COL2A1: variants seen among roughly 807,000 people sequenced by gnomAD.
COL2A1 encodes collagen alpha-1(II) chain.
In COL2A1, 28 loss-of-function variants were observed where a neutral mutation model predicts 204.5. That is an observed-to-expected ratio of 0.14 (90% CI 0.10 to 0.19). The LOEUF (loss-of-function observed/expected upper bound fraction) is 0.19, where lower values mean the gene tolerates loss of function less well. COL2A1 is among the 10% of genes least tolerant of loss of function. The probability of loss-of-function intolerance (pLI) is 1.00; values close to 1 mark genes in which losing one functional copy is unlikely to be tolerated. For synonymous variants in COL2A1, 708 were observed against 718.7 expected, an observed-to-expected ratio of 0.99 and a Z score of 0.24; for missense variants, 1,388 against 2,027.5, an observed-to-expected ratio of 0.68 and a Z score of 6.06.
rs1592233699 is a variant in COL2A1 at position 47,996,402 on chromosome 12, T to C, written c.609+146A>G. 14 of 782,178 alleles carry C rather than the reference T, an allele frequency of 1.8e-5. No homozygotes were observed. In the East Asian group the frequency reaches 3.4e-4, roughly 19 times the overall value. 48.5% of individuals were successfully genotyped at this position (782,178 alleles called of 1,614,324 possible). On this transcript the variant is annotated intron_variant, in intron 8 of 53. Transcript: ENST00000380518. ...CATTGCCATTAAAAACCAAATGCTT[T>C]GGGCTAGCTGAATGGGAGGTTACAT...
intron 1 of COL2A1, chr12:48,003,050 T>C (rs540862320): frequency 6.6e-6 from 1 of 152,196 alleles, no homozygotes; most frequent in Admixed American, 6.5e-5. Flanking sequence ...ATCTGTAACA[T>C]ACAAAGACAG....
At chr12:47,983,499 A>G (rs945780237) in intron 30 of COL2A1, 61 bp from the exon 31 acceptor site, 1 of 1,556,300 alleles carries the variant, frequency 6.4e-7, no homozygotes, top group African/African-American at 1.4e-5. Context: ...GCCCCCAGGG[A>G]GGCACAGTAT....
chr12:47,980,710 T>C lies in COL2A1; in HGVS notation c.2518-49A>G. On this transcript the variant is annotated intron_variant, in intron 38 of 53. Coordinates refer to ENST00000380518, the MANE Select transcript of COL2A1 (RefSeq NM_001844.5). The surrounding 1 kb of genome is among the most constrained non-coding windows in gnomAD (Gnocchi z 4.5). ...GTGAATGAGGGGCAGGCTAAAACCC[T>C]GGAGCTCTTCCAGAAGAGCAGGAGA... is the stretch of plus-strand genomic sequence containing the variant. The C allele has an allele frequency of 6.4e-7, 1 of 1,557,596 alleles. No individual in the cohort carries two copies.
At chr12:47,998,781 G>A (rs1358413748) in intron 2 of COL2A1, 4 of 268,312 alleles carry the variant, frequency 1.5e-5, no homozygotes, top group African/African-American at 9.0e-5. Flanking sequence ...CCCCCCACAG[G>A]GTAGGGAGCC....
At chr12:47,999,886 T>C in intron 2 of COL2A1, 33 bp downstream of exon 2, 1 of 1,589,180 alleles carries the variant, frequency 6.3e-7, no homozygotes, top group Non-Finnish European at 8.6e-7. Context: ...AAGTAATTTA[T>C]TTATGTTGAA....
At chr12:47,986,765 C>T in intron 22 of COL2A1, 70 bp downstream of exon 22, 3 of 1,559,924 alleles carry the variant, frequency 1.9e-6, no homozygotes, top group Non-Finnish European at 2.7e-6. Flanking sequence ...GGTGGTGGGT[C>T]AGTGGGGCTG....
rs1386123249 is a variant in COL2A1 at position 47,980,873 on chromosome 12, G to T, written c.2517+42C>A. ...CCCGAGGGTGCTGGATGTGGAACTG[G>T]CCTGAGTGGAGGGACCCAGGAGGAT... On this transcript the variant is annotated intron_variant, in intron 38 of 53. Coordinates refer to ENST00000380518, the MANE Select transcript of COL2A1 (RefSeq NM_001844.5). The surrounding 1 kb of genome is among the most constrained non-coding windows in gnomAD (Gnocchi z 4.5). 6.5e-7 allele frequency: 1 copy of T among 1,547,546 alleles called. No homozygotes were observed. The highest frequency in any genetic ancestry group is 2.0e-5 in the Admixed American group (1 of 51,036).
intron 40 of COL2A1, 53 bp from the exon 41 acceptor site, chr12:47,979,617 G>T: frequency 1.5e-6 from 1 of 687,684 alleles, no homozygotes; most frequent in Middle Eastern, 3.4e-4. Context: ...GGAGGTTTGA[G>T]ATTAAAATGG....
chr12:47,976,664 C>G lies in COL2A1; in HGVS notation c.3436-97G>C, dbSNP rs1370777977. The G allele has an allele frequency of 2.8e-6, 4 of 1,412,394 alleles. No homozygotes were observed. 87.5% of individuals were successfully genotyped at this position (1,412,394 alleles called of 1,614,324 possible). A position where few individuals can be genotyped will look rare whatever the true frequency, so the allele number is the denominator to read the frequency against. ...AACAGCTTTATGTCCCAGCCCCATT[C>G]CCTTTCCACTTCCTCCTCCCTCCAG... On this transcript the variant is annotated intron_variant, in intron 48 of 53. Coordinates refer to ENST00000380518, the MANE Select transcript of COL2A1 (RefSeq NM_001844.5). This position sits in a 1 kb window ranked among gnomAD's most constrained non-coding sequence, Gnocchi z 4.3.
Position 47,974,090 on chromosome 12 carries a change from G to T in COL2A1, c.4316C>A (p.Thr1439Lys), listed in dbSNP as rs121912886. Residue 1439 changes from threonine to lysine, a missense_variant and splice_region_variant, in exon 53 of 54, where the codon ACG becomes AAG. This residue lies in a region of COL2A1 where 303 missense variants were observed against 369.2 expected (regional missense o/e 0.82). Transcript: ENST00000380518. ...FTYTALKDGC[T>K]KHTGKWGKTV... ...CTTCTCTCTGGCAGCCCCACTCACC[G>T]TGCAGCCATCCTTCAGGGCAGTGTA... The T allele has an allele frequency of 6.2e-7, 1 of 1,614,176 alleles. No individual in the cohort carries two copies. Among genetic ancestry groups the T allele is most frequent in the Non-Finnish European group, 8.5e-7 (1 of 1,180,036 alleles).
Position 47,978,408 on chromosome 12 carries a change from G to T in COL2A1, c.2896-10C>A, listed in dbSNP as rs751890445. 6.2e-7 allele frequency: 1 copy of T among 1,612,864 alleles called. No homozygotes were observed. The highest frequency in any genetic ancestry group is 8.5e-7 in the Non-Finnish European group (1 of 1,179,400). On this transcript the variant is annotated splice_polypyrimidine_tract_variant and intron_variant, in intron 42 of 53. Coordinates refer to ENST00000380518, the MANE Select transcript of COL2A1 (RefSeq NM_001844.5). The surrounding 1 kb of genome is among the most constrained non-coding windows in gnomAD (Gnocchi z 5.5). ...GTGGACCTTCGGCACCCTGAGAGAG[G>T]AGAGGCAGGAGATGAGAACTGACAG...
upstream of COL2A1, chr12:48,004,488 G>T: frequency 1.8e-6 from 1 of 543,262 alleles, no homozygotes; most frequent in East Asian, 3.3e-5. Context: ...TCTTCTCCCC[G>T]CCGCGGCGCC....
At chr12:47,993,033 G>T in intron 15 of COL2A1, 102 bp from the exon 16 acceptor site, 3 of 1,110,066 alleles carry the variant, frequency 2.7e-6, no homozygotes, top group South Asian at 1.3e-5. Context: ...AGGAGAGGGA[G>T]GATGCCCACA....
Position 47,974,660 on chromosome 12 carries a change from C to T in COL2A1, c.4074+15G>A, listed in dbSNP as rs201603749. 4.3e-6 allele frequency: 7 copies of T among 1,613,718 alleles called. No individual in the cohort carries two copies. Among genetic ancestry groups the T allele is most frequent in the Admixed American group, 3.3e-5 (2 of 60,010 alleles). ...AGCCATCTCTGCTCATCATCTAGGGCACCCAGGTACTCACATGGAAGCCAC... is the reference window on the plus strand; with the variant it reads ...AGCCATCTCTGCTCATCATCTAGGGTACCCAGGTACTCACATGGAAGCCAC... On this transcript the variant is annotated intron_variant, in intron 52 of 53. Coordinates refer to ENST00000380518, the MANE Select transcript of COL2A1 (RefSeq NM_001844.5).
chr12:47,995,894 G>A lies in COL2A1; in HGVS notation c.635C>T (p.Pro212Leu). The A allele has an allele frequency of 6.2e-7, 1 of 1,613,538 alleles. No individual in the cohort carries two copies. The highest frequency in any genetic ancestry group is 8.5e-7 in the Non-Finnish European group (1 of 1,179,444). ...PMGPMGPRGP[P>L]GPAGAPGPQG... is the part of the protein sequence containing the mutation. ...ACTTACAGGAGCACCTGCAGGGCCT[G>A]GAGGTCCTCGAGGTCCCATGGGGCC... The change falls in exon 9 of 54, where the codon CCA becomes CTA. Residue 212 changes from proline to leucine, a missense_variant. Pro to Leu is a moderately conservative substitution (Grantham distance 98). Around this residue, in one of 3 missense-constraint regions of COL2A1, gnomAD observed 884 missense variants for 1,415.8 expected, o/e 0.62. Coordinates refer to ENST00000380518, the MANE Select transcript of COL2A1 (RefSeq NM_001844.5).
In COL2A1 at chr12:47,980,771, C is replaced by T; in HGVS notation, c.2518-110G>A. ...ATCTGCGTGTGTGTCCTGGTCTGGA[C>T]ATGATGGTTCTATTAGTATGGAGGC... On this transcript the variant is annotated intron_variant, in intron 38 of 53. Transcript: ENST00000380518. The surrounding 1 kb of genome is among the most constrained non-coding windows in gnomAD (Gnocchi z 4.5). The T allele has an allele frequency of 7.2e-7, 1 of 1,398,326 alleles. No homozygotes were observed. Among genetic ancestry groups the T allele is most frequent in the Non-Finnish European group, 9.9e-7 (1 of 1,007,166 alleles). 86.6% of individuals were successfully genotyped at this position (1,398,326 alleles called of 1,614,324 possible). A position where few individuals can be genotyped will look rare whatever the true frequency, so the allele number is the denominator to read the frequency against.
chr12:47,973,597 G>T (rs1051586002), intron 53 of COL2A1, 44 bp from the exon 54 acceptor site: 1 of 1,611,914 alleles, frequency 6.2e-7, no homozygotes, highest in Non-Finnish European at 8.5e-7. Context: ...TAGATGCCTT[G>T]CTACCCAGTT....
intron 52 of COL2A1, 44 bp from the exon 53 acceptor site, chr12:47,974,375 T>C: frequency 6.2e-7 from 1 of 1,610,208 alleles, no homozygotes; most frequent in Non-Finnish European, 8.5e-7. Flanking sequence ...GGAGCTGGCA[T>C]TCAATGGGAC....
At position 47,980,827 on chromosome 12, in the gene COL2A1, C is replaced by T. The variant is rs559204962; in HGVS notation, c.2517+88G>A. The T allele has an allele frequency of 6.7e-7, 1 of 1,486,364 alleles. No individual in the cohort carries two copies. The highest frequency in any genetic ancestry group is 2.5e-5 in the East Asian group (1 of 40,568). 92.1% of individuals were successfully genotyped at this position (1,486,364 alleles called of 1,614,324 possible). The stretch of plus-strand genomic sequence containing the variant: ...AGGAGAGGAGAGGAGCATCCATTTC[C>T]CTCCCTGACAAGCTCCGATGCCCGA... On this transcript the variant is annotated intron_variant, in intron 38 of 53. Coordinates refer to ENST00000380518, the MANE Select transcript of COL2A1 (RefSeq NM_001844.5). The surrounding 1 kb of genome is among the most constrained non-coding windows in gnomAD (Gnocchi z 4.5).
Sources: allele counts gnomAD v4.1 joint callset, GRCh38; gene constraint gnomAD v4.1.1; regional missense constraint gnomAD v4.1.1; non-coding constraint Gnocchi (gnomAD v3.1); transcripts MANE v1.5; gene names NCBI Gene and HGNC (gene_info 2026-07-23, HGNC 2026-07-21).